AGBL3: variants seen among roughly 807,000 people sequenced by gnomAD.
AGBL3 encodes AGBL carboxypeptidase 3.
A neutral mutation model predicts 94.5 loss-of-function variants in AGBL3; 68 were observed. The ratio of observed to expected loss-of-function variants is 0.72; its 90% CI spans 0.59 to 0.88. AGBL3 has a LOEUF of 0.88. Among genes scored for constraint, AGBL3 ranks in the 40% least tolerant of loss-of-function variants. The pLI is 0.00. For missense variants in AGBL3, 934 were observed against 1,103.8 expected, an observed-to-expected ratio of 0.85 and a Z score of 2.18; for synonymous variants, 354 against 370.7, an observed-to-expected ratio of 0.95 and a Z score of 0.52.
chr7:135,098,058 T>C (rs925744725), intron 15 of AGBL3, among the ~76,000 whole-genome samples: 2 of 152,154 alleles, frequency 1.3e-5, no homozygotes, highest in African/African-American at 4.8e-5. Context: ...CCCTACATGA[T>C]GAATTTATAG....
At chr7:135,085,858 TG>T (rs1466737550) in intron 15 of AGBL3, among the ~76,000 whole-genome samples, 2 of 152,094 alleles carry the variant, frequency 1.3e-5, no homozygotes, top group African/African-American at 4.8e-5. Context: ...ATTTTAGGAT[TG>T]TTTTTTCCAT....
intron 15 of AGBL3, among the ~76,000 whole-genome samples, chr7:135,088,782 T>C (rs1168776490): frequency 1.3e-5 from 2 of 152,214 alleles, no homozygotes; most frequent in South Asian, 2.1e-4. Context: ...TTGATGCTTT[T>C]CTCTTGCTGT....
chr7:135,134,698 CT>C (rs1309750356), intron 16 of AGBL3, 142 bp from the exon 17 acceptor site: 2 of 778,812 alleles, frequency 2.6e-6, no homozygotes, highest in Admixed American at 3.0e-5. Context: ...ATGAAGACTT[CT>C]AAATGATGGT....
In AGBL3 at chr7:135,003,613, A is replaced by G. The variant is rs543068395; in HGVS notation, c.310+9935A>G. On this transcript the variant is annotated intron_variant, in intron 4 of 16. Transcript: ENST00000436302. ...CCTGTCCAATAATAAGATTTGTTTC[A>G]CCATTTATCCTAGTTTTCCTTTATC... 6.1e-4 allele frequency among the ~76,000 whole-genome samples: 92 copies of G among 151,392 alleles called. 1 individual carries two copies. The highest frequency in any genetic ancestry group is 4.2e-4 in the South Asian group (2 of 4,806).
In AGBL3 at chr7:135,034,173, T is replaced by C. The variant is rs1563202091; in HGVS notation, c.582T>C (p.Thr194=). 1.9e-6 allele frequency: 3 copies of C among 1,550,500 alleles called. No individual in the cohort carries two copies. Among genetic ancestry groups the C allele is most frequent in the East Asian group, 2.4e-5 (1 of 40,886 alleles). The change falls in exon 7 of 17, where the codon ACT becomes ACC. Residue 194 remains threonine, a synonymous_variant. Transcript: ENST00000436302. Reference sequence around the variant, plus strand: ...GGGCAGAATACGAATACCAATTGACTGTACGCCCTGACCTCTTCACAAATA... The same window carrying C: ...GGGCAGAATACGAATACCAATTGACCGTACGCCCTGACCTCTTCACAAATA... ...VKVAEYEYQL[T]VRPDLFTNKH...
In AGBL3 at chr7:135,114,106, A is replaced by T. The variant is rs113460737; in HGVS notation, c.2111-1274A>T. On this transcript the variant is annotated intron_variant, in intron 15 of 16. Transcript: ENST00000436302. ...ATTTTGTTAATCCATTCATCAATGA[A>T]CACGTGTGTTGCTTACACTGTTGGC... Among the ~76,000 whole-genome samples, 197 of 72,604 alleles carry T rather than the reference A, an allele frequency of 2.7e-3. 3 individuals are homozygous for T. Among genetic ancestry groups the T allele is most frequent in the African/African-American group, 0.011 (195 of 17,934 alleles). The allele number at this position is 72,604 out of a possible 152,430, so 47.6% of individuals were successfully genotyped here.
chr7:135,041,150 C>A (rs1324440194), intron 8 of AGBL3, among the ~76,000 whole-genome samples: 1 of 152,048 alleles, frequency 6.6e-6, no homozygotes, highest in Non-Finnish European at 1.5e-5. Context: ...AGACAACGTG[C>A]TGTATTATGG....
At position 135,135,112 on chromosome 7, in the gene AGBL3, G is replaced by A. The variant is rs1829283111; in HGVS notation, c.2614G>A (p.Val872Ile). ...ASSSFGMDAN[V>I]LKYKSLQAEE... ...TTCAAGCTTTGGAATGGATGCAAAT[G>A]TTCTAAAATATAAGAGTCTTCAAGC... Residue 872 changes from valine to isoleucine, a missense_variant, in exon 17 of 17, where the codon GTT (valine) becomes ATT (isoleucine). Val to Ile is a conservative substitution (Grantham distance 29). This residue lies in a region of AGBL3 where 441 missense variants were observed against 518.2 expected (regional missense o/e 0.85). Transcript: ENST00000436302. 1 of 1,551,178 alleles carries A rather than the reference G, an allele frequency of 6.4e-7. No individual in the cohort carries two copies. Among genetic ancestry groups the A allele is most frequent in the Non-Finnish European group, 8.7e-7 (1 of 1,146,644 alleles).
chr7:134,987,283 C>A (rs548305367), intron 1 of AGBL3, among the ~76,000 whole-genome samples: 92 of 152,264 alleles, frequency 6.0e-4, no homozygotes, highest in Middle Eastern at 3.4e-3. Context: ...CAAGAAATTT[C>A]GATTATTCCC....
chr7:135,098,230 G>C (rs778955382), intron 15 of AGBL3, among the ~76,000 whole-genome samples: 4 of 152,144 alleles, frequency 2.6e-5, no homozygotes, highest in Non-Finnish European at 4.4e-5. Context: ...TTGTATCATG[G>C]AGGATTGTTT....
chr7:135,045,298 G>T (rs1168525584), intron 9 of AGBL3, among the ~76,000 whole-genome samples, 176 bp from the exon 10 acceptor site: 2 of 152,012 alleles, frequency 1.3e-5, no homozygotes, highest in African/African-American at 4.8e-5. Context: ...GGTCCAGATG[G>T]TGGAAAAGGA....
chr7:135,030,236 C>T (rs1055775703), intron 5 of AGBL3, among the ~76,000 whole-genome samples: 2 of 151,252 alleles, frequency 1.3e-5, no homozygotes, highest in African/African-American at 4.9e-5. Flanking sequence ...TCACAAGGTA[C>T]GCCTTTATCA....
chr7:135,092,344 T>C (rs1156623650), intron 15 of AGBL3: 2 of 152,232 alleles, frequency 1.3e-5, no homozygotes, highest in Non-Finnish European at 2.9e-5. Flanking sequence ...TATAGCTACA[T>C]AAAATTTTGT....
chr7:135,096,605 A>ATAGATAG (rs1822843497), intron 15 of AGBL3, among the ~76,000 whole-genome samples: 1 of 130,636 alleles, frequency 7.7e-6, no homozygotes, highest in Non-Finnish European at 1.7e-5. Context: ...AGATAGATAG[A>ATAGATAG]TAGATAGATA....
At chr7:135,110,913 A>G (rs1343665658) in intron 15 of AGBL3, among the ~76,000 whole-genome samples, 1 of 152,192 alleles carries the variant, frequency 6.6e-6, no homozygotes, top group Non-Finnish European at 1.5e-5. Flanking sequence ...TAGATTACAG[A>G]GCCCTGCTGG....
chr7:135,128,828 T>G, intron 16 of AGBL3: 1 of 1,149,834 alleles, frequency 8.7e-7, no homozygotes, highest in Non-Finnish European at 1.3e-6. Flanking sequence ...GAGACAGCTG[T>G]GTGCAGGATG....
chr7:135,001,887 A>T (rs1811762898), intron 4 of AGBL3, among the ~76,000 whole-genome samples: 1 of 152,266 alleles, frequency 6.6e-6, no homozygotes, highest in South Asian at 2.1e-4. Flanking sequence ...GCATTTCCTT[A>T]TGCATCCAGT....
intron 4 of AGBL3, among the ~76,000 whole-genome samples, chr7:135,001,581 A>G (rs934162965): frequency 1.3e-5 from 2 of 152,128 alleles, no homozygotes; most frequent in Admixed American, 6.5e-5. Flanking sequence ...GTAATCTCCA[A>G]TAGTGTTTCA....
At position 135,076,396 on chromosome 7, in the gene AGBL3, GA is replaced by G. The variant is rs750806939; in HGVS notation, c.1914del (p.Lys638AsnfsTer3). On this transcript the variant is annotated frameshift_variant and splice_region_variant, in exon 13 of 17. Transcript: ENST00000436302. LOFTEE classifies it high-confidence loss of function. ...GATTTTAAGTATGATTCTTTTACTA[GA>G]AAAAACATTTGAAAACAAAGAAGGA... ...LTYLLKLTSQ[K>X]KHLKTKKERN... The G allele has an allele frequency of 4.0e-5, 61 of 1,537,040 alleles. No individual in the cohort carries two copies. The highest frequency in any genetic ancestry group is 5.3e-5 in the Non-Finnish European group (60 of 1,134,566).
Sources: gnomAD v4.1 joint callset for allele counts (sites outside exome capture counted in the v4.1 genomes callset) on GRCh38, gnomAD v4.1.1 for gene constraint, gnomAD v4.1.1 regional missense constraint, MANE v1.5 for transcripts, NCBI Gene and HGNC (gene_info 2026-07-23, HGNC 2026-07-21) for gene names.